DNAAF11: variants seen among roughly 807,000 people sequenced by gnomAD.
DNAAF11 encodes the protein leucine rich repeat containing 6.
DNAAF11 carries 45 observed loss-of-function variants against 60.8 expected under a neutral mutation model. The ratio of observed to expected loss-of-function variants is 0.74; its 90% CI spans 0.58 to 0.95. The LOEUF is 0.95. DNAAF11 is among the 40% of genes least tolerant of loss of function. DNAAF11 has a pLI of 0.00. For missense variants in DNAAF11, 546 were observed against 546.2 expected, an observed-to-expected ratio of 1.00 and a Z score of 0.00; for synonymous variants, 191 against 183.5, an observed-to-expected ratio of 1.04 and a Z score of -0.33.
At chr8:132,643,782 A>G (rs1388420437) in intron 3 of DNAAF11, 4 of 451,822 alleles carry the variant, frequency 8.9e-6, no homozygotes, top group Non-Finnish European at 1.8e-5. Flanking sequence ...AGACACTTGT[A>G]ATAGAAGAAG....
chr8:132,695,241 A>G, the DNAAF11 span, among the ~76,000 whole-genome samples: 1 of 152,174 alleles, frequency 6.6e-6, no homozygotes, highest in African/African-American at 2.4e-5. Context: ...AAGCAGAGGA[A>G]TGGAGGAGGG....
intron 11 of DNAAF11, among the ~76,000 whole-genome samples, chr8:132,574,283 G>C (rs1814513133): frequency 6.6e-6 from 1 of 152,248 alleles, no homozygotes; most frequent in East Asian, 1.9e-4. Flanking sequence ...AGGCCTGCAA[G>C]GTTGGGCATT....
chr8:132,697,076 C>T, the DNAAF11 span, among the ~76,000 whole-genome samples: 40 of 152,226 alleles, frequency 2.6e-4, no homozygotes, highest in South Asian at 4.1e-4. Context: ...ACACAAAGAC[C>T]GCATATTGCA....
chr8:132,692,888 G>A, the DNAAF11 span, among the ~76,000 whole-genome samples: 3 of 152,202 alleles, frequency 2.0e-5, no homozygotes, highest in Non-Finnish European at 4.4e-5. Flanking sequence ...ATGCTAAGCT[G>A]ATTACAACAC....
chr8:132,693,010 A>C, the DNAAF11 span, among the ~76,000 whole-genome samples: 3 of 152,266 alleles, frequency 2.0e-5, no homozygotes, highest in Admixed American at 2.0e-4. Context: ...CACATCAACA[A>C]CTCTAGGACA....
chr8:132,694,440 G>A, the DNAAF11 span, among the ~76,000 whole-genome samples: 1 of 152,150 alleles, frequency 6.6e-6, no homozygotes, highest in Non-Finnish European at 1.5e-5. Flanking sequence ...CAAGCCAAGA[G>A]GGGAGGCCTC....
At chr8:132,690,931 T>C in the DNAAF11 span, among the ~76,000 whole-genome samples, 7 of 152,192 alleles carry the variant, frequency 4.6e-5, no homozygotes, top group South Asian at 2.1e-4. Context: ...ACTGCTTACG[T>C]TGGCCTTGAT....
chr8:132,580,946 G>C (rs1182933353), intron 11 of DNAAF11, among the ~76,000 whole-genome samples: 1 of 152,168 alleles, frequency 6.6e-6, no homozygotes, highest in Non-Finnish European at 1.5e-5. Context: ...AAACTCATAA[G>C]ACTATGGAAA....
rs1308055933 is a variant in DNAAF11 at position 132,612,006 on chromosome 8, T to C, written c.975-643A>G. On this transcript the variant is annotated intron_variant, in intron 8 of 11. Coordinates refer to ENST00000620350, the MANE Select transcript of DNAAF11 (RefSeq NM_012472.6). ...TGTTCACATACTTCAAAATACTAAT[T>C]GTGAACATTAGAAACTGCAGAGCTG... Among the ~76,000 whole-genome samples, 6 of 152,316 alleles carry C rather than the reference T, an allele frequency of 3.9e-5. No homozygotes were observed. The East Asian group carries it at 1.2e-3, about 29-fold the overall frequency.
chr8:132,626,131 A>C (rs1820257039), intron 5 of DNAAF11, among the ~76,000 whole-genome samples: 2 of 151,234 alleles, frequency 1.3e-5, no homozygotes, highest in African/African-American at 4.9e-5. Context: ...TGCTCACCGC[A>C]AGCTCCGCCT....
rs1563992420 is a variant in DNAAF11, at chr8:132,595,347, G to GAAAAAAAAAAAAAAAAAAAAAAA, written c.1141-11569_1141-11568insTTTTTTTTTTTTTTTTTTTTTTT. On this transcript the variant is annotated intron_variant, in intron 10 of 11. Transcript: ENST00000620350. ...TTCCCGAAAGAGAGAGAGACAGAGG[G>GAAAAAAAAAAAAAAAAAAAAAAA]GAAAAAAAAAAAAAAAAAAAAAAAA... Among the ~76,000 whole-genome samples, 7 of 40,680 alleles carry GAAAAAAAAAAAAAAAAAAAAAAA rather than the reference G, an allele frequency of 1.7e-4. 3 individuals are homozygous for GAAAAAAAAAAAAAAAAAAAAAAA. Among genetic ancestry groups the GAAAAAAAAAAAAAAAAAAAAAAA allele is most frequent in the African/African-American group, 4.0e-4 (5 of 12,570 alleles). The allele number at this position is 40,680 out of a possible 152,430, so 26.7% of individuals were successfully genotyped here.
chr8:132,643,939 G>A (rs1398799038), intron 3 of DNAAF11, among the ~76,000 whole-genome samples: 1 of 151,918 alleles, frequency 6.6e-6, no homozygotes, highest in Non-Finnish European at 1.5e-5. Flanking sequence ...TAAATATCCA[G>A]AATTTACAAG....
At chr8:132,671,318 A>T (rs1825169537) in intron 1 of DNAAF11, among the ~76,000 whole-genome samples, 1 of 152,242 alleles carries the variant, frequency 6.6e-6, no homozygotes. Flanking sequence ...CTTAGAGATA[A>T]ATCAGAAAAA....
chr8:132,620,729 T>A (rs2130230785), intron 7 of DNAAF11, among the ~76,000 whole-genome samples: 1 of 152,334 alleles, frequency 6.6e-6, no homozygotes, highest in East Asian at 1.9e-4. Flanking sequence ...GAGTGAATTA[T>A]CTTATGGTCT....
At chr8:132,690,915 T>C in the DNAAF11 span, among the ~76,000 whole-genome samples, 1 of 152,224 alleles carries the variant, frequency 6.6e-6, no homozygotes, top group Non-Finnish European at 1.5e-5. Context: ...GGCCACATGA[T>C]GTGTCACTGC....
At chr8:132,601,499 A>G (rs1817616311) in intron 10 of DNAAF11, among the ~76,000 whole-genome samples, 1 of 152,190 alleles carries the variant, frequency 6.6e-6, no homozygotes. Context: ...CACTATTCAC[A>G]ATAGCAAAGA....
intron 10 of DNAAF11, among the ~76,000 whole-genome samples, chr8:132,586,654 G>A (rs1478885094): frequency 6.6e-6 from 1 of 152,160 alleles, no homozygotes; most frequent in East Asian, 1.9e-4. Context: ...TGAGAACTTG[G>A]GGGTCTACAA....
At chr8:132,611,428 A>C in intron 8 of DNAAF11, 65 bp from the exon 9 acceptor site, 1 of 909,274 alleles carries the variant, frequency 1.1e-6, no homozygotes, top group Non-Finnish European at 1.7e-6. Flanking sequence ...AAGTGCAAAT[A>C]TAAATTCACA....
intron 1 of DNAAF11, among the ~76,000 whole-genome samples, chr8:132,668,286 A>G (rs889049757): frequency 2.6e-5 from 4 of 152,202 alleles, no homozygotes; most frequent in African/African-American, 9.7e-5. Context: ...ATCTAGTGAT[A>G]TCTTTAGGGA....
Sources: allele counts gnomAD v4.1 joint callset (sites outside exome capture counted in the v4.1 genomes callset), GRCh38; gene constraint gnomAD v4.1.1; transcripts MANE v1.5; gene names NCBI Gene and HGNC (gene_info 2026-07-23, HGNC 2026-07-21).